Variants in DOCK3 observed in about 807,000 individuals in gnomAD.
DOCK3 encodes the protein dedicator of cytokinesis protein 3.
Under a neutral mutation model 265.6 loss-of-function variants are expected in DOCK3, and 60 were observed. The ratio of observed to expected loss-of-function variants is 0.23; its 90% CI spans 0.18 to 0.28. The LOEUF (loss-of-function observed/expected upper bound fraction) is 0.28. Ranked by LOEUF, DOCK3 falls within the 10% of genes least tolerant of loss-of-function variation. The probability of loss-of-function intolerance (pLI) is 1.00; values close to 1 mark genes in which losing one functional copy is unlikely to be tolerated. For synonymous variants in DOCK3, 881 were observed against 938.0 expected (o/e 0.94, Z 1.11); for missense variants, 1,981 against 2,594.3 (o/e 0.76, Z 5.14).
chr3:51,375,735 CTCCT>C lies in DOCK3; in HGVS notation c.5413-6_5413-3del, dbSNP rs748494143. 40 of 1,613,866 alleles carry C rather than the reference CTCCT, an allele frequency of 2.5e-5. No individual in the cohort carries two copies. The highest frequency in any genetic ancestry group is 3.2e-5 in the Non-Finnish European group (38 of 1,179,878). On this transcript the variant is annotated splice_polypyrimidine_tract_variant and intron_variant, in intron 50 of 52. Coordinates refer to ENST00000266037, the MANE Select transcript of DOCK3 (RefSeq NM_004947.5). Reference sequence around the variant, plus strand: ...TGTTTTCACTCTCTGTAATGTTTATCTCCTTCCTTCAGCCGCCGAATTTCCAGCG... The same window carrying C: ...TGTTTTCACTCTCTGTAATGTTTATCTCCTTCAGCCGCCGAATTTCCAGCG...
intron 51 of DOCK3, chr3:51,379,346 T>TG: frequency 1.0e-6 from 1 of 974,024 alleles, no homozygotes; most frequent in Non-Finnish European, 1.2e-6. Context: ...CCCACATGTG[T>TG]GCTGGATACG....
chr3:50,835,734 C>A (rs1332682480), intron 2 of DOCK3, among the ~76,000 whole-genome samples: 1 of 152,172 alleles, frequency 6.6e-6, no homozygotes, highest in African/African-American at 2.4e-5. Flanking sequence ...TTAAGGGTTC[C>A]ATTTTTGTAG....
At chr3:50,949,123 G>A (rs1008465452) in intron 5 of DOCK3, among the ~76,000 whole-genome samples, 3 of 152,180 alleles carry the variant, frequency 2.0e-5, no homozygotes, top group East Asian at 1.9e-4. Context: ...GCTAGATTTC[G>A]TAGGACATCA....
chr3:50,992,540 G>T (rs867863447), intron 5 of DOCK3, among the ~76,000 whole-genome samples: 1 of 152,252 alleles, frequency 6.6e-6, no homozygotes, highest in South Asian at 2.1e-4. Context: ...CAGGTGATCC[G>T]CACGCCTCAG....
chr3:50,908,913 T>A (rs1316428092), intron 4 of DOCK3, among the ~76,000 whole-genome samples: 1 of 152,096 alleles, frequency 6.6e-6, no homozygotes, highest in African/African-American at 2.4e-5. Context: ...TGGGTGCATA[T>A]GTATTTAGGT....
chr3:51,375,265 G>A (rs868709523), intron 50 of DOCK3, among the ~76,000 whole-genome samples: 1 of 152,262 alleles, frequency 6.6e-6, no homozygotes, highest in South Asian at 2.1e-4. Context: ...GTAGAGGGAT[G>A]AGATCTGCTT....
intron 3 of DOCK3, among the ~76,000 whole-genome samples, chr3:50,874,875 T>C (rs2047625363): frequency 6.6e-6 from 1 of 152,148 alleles, no homozygotes; most frequent in Non-Finnish European, 1.5e-5. Context: ...AAGATCATTG[T>C]GGCCATAAAA....
At chr3:51,023,261 A>G (rs1319341376) in intron 5 of DOCK3, among the ~76,000 whole-genome samples, 1 of 131,328 alleles carries the variant, frequency 7.6e-6, no homozygotes, top group African/African-American at 2.9e-5. Context: ...TTTTTTCTTT[A>G]TCTTTGTCTG....
At chr3:51,075,715 C>CT in intron 7 of DOCK3, among the ~76,000 whole-genome samples, 1 of 152,218 alleles carries the variant, frequency 6.6e-6, no homozygotes, top group East Asian at 1.9e-4. Context: ...TGCAGCATAA[C>CT]TAAAGTTATG....
chr3:51,169,602 C>T (rs1009065905), intron 12 of DOCK3, among the ~76,000 whole-genome samples: 4 of 151,714 alleles, frequency 2.6e-5, no homozygotes, highest in South Asian at 2.1e-4. Flanking sequence ...GAGGGTGGGA[C>T]GAGGGAGATG....
At chr3:51,160,048 G>A (rs1278828456) in intron 11 of DOCK3, among the ~76,000 whole-genome samples, 1 of 152,206 alleles carries the variant, frequency 6.6e-6, no homozygotes, top group Non-Finnish European at 1.5e-5. Flanking sequence ...GCTTTGGTAA[G>A]CAGGAAAAGT....
At chr3:51,019,008 A>G (rs2079476429) in intron 5 of DOCK3, among the ~76,000 whole-genome samples, 1 of 151,800 alleles carries the variant, frequency 6.6e-6, no homozygotes, top group African/African-American at 2.4e-5. Flanking sequence ...GTAAGACTAT[A>G]GGCATGAGCT....
chr3:51,212,439 T>G (rs1056875784), intron 13 of DOCK3, among the ~76,000 whole-genome samples: 5 of 151,970 alleles, frequency 3.3e-5, no homozygotes, highest in African/African-American at 1.2e-4. Context: ...CTGTTTTTTT[T>G]TTTTTTTTTT....
At chr3:50,775,474 C>A (rs1344682926) in intron 1 of DOCK3, among the ~76,000 whole-genome samples, 1 of 151,584 alleles carries the variant, frequency 6.6e-6, no homozygotes, top group Non-Finnish European at 1.5e-5. Flanking sequence ...TGTTTCTTTT[C>A]TTTTTTCCTA....
intron 5 of DOCK3, among the ~76,000 whole-genome samples, chr3:50,969,913 A>G (rs539283473): frequency 2.8e-4 from 43 of 152,276 alleles, no homozygotes; most frequent in South Asian, 8.3e-4. Flanking sequence ...TACTAAAAAT[A>G]CAAAAAAACT....
chr3:51,084,323 T>A (rs1027420199), intron 7 of DOCK3, among the ~76,000 whole-genome samples: 9 of 152,072 alleles, frequency 5.9e-5, no homozygotes, highest in Admixed American at 5.9e-4. Context: ...CAAATAATTC[T>A]AAAAACAGTT....
intron 3 of DOCK3, among the ~76,000 whole-genome samples, chr3:50,861,865 T>TTC (rs900865658): frequency 2.0e-5 from 3 of 151,754 alleles, no homozygotes; most frequent in Non-Finnish European, 4.4e-5. Flanking sequence ...TTTTTTTTTT[T>TTC]TTTTTAAATA....
chr3:51,244,934 A>G (rs1195504715), intron 21 of DOCK3, among the ~76,000 whole-genome samples: 5 of 152,240 alleles, frequency 3.3e-5, no homozygotes, highest in African/African-American at 1.2e-4. Context: ...TCGAATAGCT[A>G]AAATAGCACC....
chr3:51,016,607 T>TG (rs2079277058), intron 5 of DOCK3, among the ~76,000 whole-genome samples: 3 of 71,336 alleles, frequency 4.2e-5, no homozygotes, highest in African/African-American at 2.0e-4. Context: ...ATGATATATA[T>TG]ATTATATATT....
Sources: gnomAD v4.1 joint callset for allele counts (sites outside exome capture counted in the v4.1 genomes callset) on GRCh38, gnomAD v4.1.1 for gene constraint, MANE v1.5 for transcripts, NCBI Gene and HGNC (gene_info 2026-07-23, HGNC 2026-07-21) for gene names.